TAF12: variants seen among roughly 807,000 people sequenced by gnomAD.
TAF12 encodes TATA-box binding protein associated factor 12.
TAF12 carries 3 observed loss-of-function variants against 20.8 expected under a neutral mutation model. The observed-to-expected ratio is 0.14, with a 90% CI of 0.07 to 0.37. The LOEUF (loss-of-function observed/expected upper bound fraction) is 0.37. Among genes scored for constraint, TAF12 ranks in the 10% least tolerant of loss-of-function variants. The pLI, the probability that TAF12 is intolerant of heterozygous loss-of-function variation, is 1.00. For synonymous variants in TAF12, 69 were observed against 70.2 expected, an observed-to-expected ratio of 0.98 and a Z score of 0.09; for missense variants, 131 against 197.9, an observed-to-expected ratio of 0.66 and a Z score of 2.03.
At chr1:28,627,921 A>G (rs1175206022) in intron 1 of TAF12, among the ~76,000 whole-genome samples, 1 of 152,100 alleles carries the variant, frequency 6.6e-6, no homozygotes, top group East Asian at 1.9e-4. Flanking sequence ...TAGGTTCTAA[A>G]CTATTTCTTG....
chr1:28,626,706 C>T (rs138426747), intron 1 of TAF12, among the ~76,000 whole-genome samples: 7,494 of 151,698 alleles, frequency 0.049, 201 homozygotes, highest in African/African-American at 0.083. Flanking sequence ...ATCAGGAGTT[C>T]GAGACCGGCC....
chr1:28,612,807 C>T (rs2124312278), intron 4 of TAF12, among the ~76,000 whole-genome samples: 1 of 152,074 alleles, frequency 6.6e-6, no homozygotes, highest in South Asian at 2.1e-4. Flanking sequence ...TAGGCTAAAA[C>T]TCTAAGGGAA....
At chr1:28,623,625 C>T (rs1025049364) in intron 1 of TAF12, among the ~76,000 whole-genome samples, 2 of 152,100 alleles carry the variant, frequency 1.3e-5, no homozygotes, top group Non-Finnish European at 2.9e-5. Context: ...AGCACAATCA[C>T]ATCCTTTAAA....
upstream of TAF12, among the ~76,000 whole-genome samples, chr1:28,646,776 G>A (rs1668200079): frequency 6.9e-6 from 1 of 145,128 alleles, no homozygotes; most frequent in Admixed American, 7.2e-5. Context: ...TCGGCTCACC[G>A]CAAGCTCCAC....
chr1:28,608,299 C>G (rs1321800271), intron 4 of TAF12, among the ~76,000 whole-genome samples: 3 of 147,024 alleles, frequency 2.0e-5, no homozygotes, highest in Non-Finnish European at 4.5e-5. Flanking sequence ...GAGCCAAGAT[C>G]GCGCCACTGC....
intron 1 of TAF12, among the ~76,000 whole-genome samples, chr1:28,624,426 T>C (rs928072067): frequency 1.3e-5 from 2 of 152,146 alleles, no homozygotes; most frequent in Non-Finnish European, 2.9e-5. Context: ...CCTGAGTTCC[T>C]CCTCACCACA....
At chr1:28,630,666 T>C (rs780672129) in intron 1 of TAF12, among the ~76,000 whole-genome samples, 1 of 151,930 alleles carries the variant, frequency 6.6e-6, no homozygotes, top group Non-Finnish European at 1.5e-5. Context: ...TTAGATACAA[T>C]ATCAAAAGCA....
chr1:28,633,846 A>C (rs1001700698), intron 1 of TAF12, among the ~76,000 whole-genome samples: 4 of 145,042 alleles, frequency 2.8e-5, no homozygotes, highest in African/African-American at 1.0e-4. Context: ...CGGGAGGCGG[A>C]GGTTCCGGTG....
chr1:28,623,677 T>C (rs983543027), intron 1 of TAF12, among the ~76,000 whole-genome samples: 2 of 152,224 alleles, frequency 1.3e-5, no homozygotes, highest in Admixed American at 6.5e-5. Flanking sequence ...TAGTTCATTC[T>C]GGCATTTCAA....
upstream of TAF12, among the ~76,000 whole-genome samples, chr1:28,645,560 ATCGCTGGAAC>A (rs1668164639): frequency 6.6e-6 from 1 of 151,874 alleles, no homozygotes; most frequent in South Asian, 2.1e-4. Flanking sequence ...CGGAAGGAGA[ATCGCTGGAAC>A]CCGGGAGGTG....
intron 1 of TAF12, among the ~76,000 whole-genome samples, chr1:28,637,084 T>C (rs1256540970): frequency 2.0e-5 from 3 of 152,070 alleles, no homozygotes; most frequent in Non-Finnish European, 2.9e-5. Flanking sequence ...ACTTCAGAGA[T>C]TAACAGAAGA....
chr1:28,612,089 G>A (rs1481343956), intron 4 of TAF12, among the ~76,000 whole-genome samples: 1 of 152,124 alleles, frequency 6.6e-6, no homozygotes, highest in Non-Finnish European at 1.5e-5. Flanking sequence ...ACACTGTGAA[G>A]AAAGTCTTTC....
At chr1:28,615,157 A>T (rs888339733) in intron 3 of TAF12, among the ~76,000 whole-genome samples, 1 of 152,102 alleles carries the variant, frequency 6.6e-6, no homozygotes, top group African/African-American at 2.4e-5. Flanking sequence ...GAAAAAACTG[A>T]GATTTTTATC....
At chr1:28,641,239 C>T (rs551804828) in intron 1 of TAF12, among the ~76,000 whole-genome samples, 69 of 152,004 alleles carry the variant, frequency 4.5e-4, no homozygotes, top group Non-Finnish European at 8.7e-4. Flanking sequence ...CCCAGCACTT[C>T]GGGAGGCTGA....
intron 2 of TAF12, 120 bp from the exon 3 acceptor site, chr1:28,618,150 C>A: frequency 1.2e-6 from 1 of 843,170 alleles, no homozygotes. Context: ...CCAATGAGTT[C>A]ACAGTCTGGC....
chr1:28,635,677 T>C (rs894619753), intron 1 of TAF12, among the ~76,000 whole-genome samples: 2 of 152,022 alleles, frequency 1.3e-5, no homozygotes, highest in African/African-American at 2.4e-5. Context: ...TTTAACAACC[T>C]TGTACTTCAA....
chr1:28,629,412 C>T (rs1168305506), intron 1 of TAF12, among the ~76,000 whole-genome samples: 2 of 152,144 alleles, frequency 1.3e-5, no homozygotes, highest in Admixed American at 6.6e-5. Context: ...TTTTGGCTCA[C>T]TGCAACCTTG....
intron 1 of TAF12, among the ~76,000 whole-genome samples, chr1:28,641,588 G>C (rs1450525194): frequency 6.6e-6 from 1 of 152,104 alleles, no homozygotes; most frequent in African/African-American, 2.4e-5. Flanking sequence ...GAGCTTAGGA[G>C]TTTGAGACCA....
chr1:28,626,213 G>A (rs1667381203), intron 1 of TAF12, among the ~76,000 whole-genome samples: 2 of 149,790 alleles, frequency 1.3e-5, no homozygotes, highest in African/African-American at 2.5e-5. Flanking sequence ...TCCTGACCTC[G>A]TGATCCACCC....
Sources: gnomAD v4.1 joint callset for allele counts (sites outside exome capture counted in the v4.1 genomes callset) on GRCh38, gnomAD v4.1.1 for gene constraint, MANE v1.5 for transcripts, NCBI Gene and HGNC (gene_info 2026-07-23, HGNC 2026-07-21) for gene names.